Variants in RTTN observed in about 807,000 individuals in gnomAD.
RTTN encodes rotatin.
A neutral mutation model predicts 269.2 loss-of-function variants in RTTN; 182 were observed. The ratio of observed to expected loss-of-function variants is 0.68; its 90% CI spans 0.60 to 0.76. The LOEUF (loss-of-function observed/expected upper bound fraction) is 0.76. Among genes scored for constraint, RTTN ranks in the 30% least tolerant of loss-of-function variants. The pLI, the probability that RTTN is intolerant of heterozygous loss-of-function variation, is 0.00. For missense variants in RTTN, 2,545 were observed against 2,608.6 expected (o/e 0.98, Z 0.53); for synonymous variants, 1,006 against 963.5 (o/e 1.04, Z -0.82).
intron 17 of RTTN, 97 bp from the exon 18 acceptor site, chr18:70,145,880 C>A (rs2060377844): frequency 2.2e-6 from 2 of 907,056 alleles, no homozygotes; most frequent in Non-Finnish European, 1.6e-6. Context: ...CAACAAAGTA[C>A]AATAAGTAGT....
chr18:70,204,140 G>A lies in RTTN; in HGVS notation c.343C>T (p.Leu115Phe). Residue 115 changes from leucine to phenylalanine, a missense_variant, in exon 3 of 49, where the codon CTT (leucine) becomes TTT (phenylalanine). Transcript: ENST00000640769. Reference sequence around the variant, plus strand: ...GATAGTGCAGGAACTTCCGAAGGAAGAAGAAAAAGTCCATCCAGAATGCCA... The same window carrying A: ...GATAGTGCAGGAACTTCCGAAGGAAAAAGAAAAAGTCCATCCAGAATGCCA... ...IDGILDGLFL[L>F]PSEVPALSSA... 1 of 1,614,058 alleles carries A rather than the reference G, an allele frequency of 6.2e-7. No homozygotes were observed. Among genetic ancestry groups the A allele is most frequent in the Non-Finnish European group, 8.5e-7 (1 of 1,179,948 alleles).
chr18:70,177,139 T>G (rs1185743366), intron 10 of RTTN, among the ~76,000 whole-genome samples: 1 of 152,178 alleles, frequency 6.6e-6, no homozygotes, highest in African/African-American at 2.4e-5. Context: ...AAATGAACCA[T>G]AATTTCCTCC....
chr18:70,084,979 TACAAC>T (rs1361979349), intron 32 of RTTN, among the ~76,000 whole-genome samples: 2 of 152,188 alleles, frequency 1.3e-5, no homozygotes, highest in Non-Finnish European at 2.9e-5. Context: ...GGTTCTGTAT[TACAAC>T]ATAATGTCCC....
intron 3 of RTTN, among the ~76,000 whole-genome samples, chr18:70,203,202 TTC>T (rs1440217752): frequency 6.6e-6 from 1 of 151,794 alleles, no homozygotes; most frequent in African/African-American, 2.4e-5. Context: ...TGAGAAAGTG[TTC>T]TTTTTTTTTT....
intron 25 of RTTN, 72 bp from the exon 26 acceptor site, chr18:70,121,772 T>C (rs2059744832): frequency 3.0e-6 from 4 of 1,350,394 alleles, no homozygotes; most frequent in East Asian, 2.7e-5. Flanking sequence ...ATCATAGATA[T>C]GTGGACTTAA....
intron 10 of RTTN, among the ~76,000 whole-genome samples, chr18:70,182,578 G>C (rs2061444723): frequency 6.6e-6 from 1 of 152,162 alleles, no homozygotes; most frequent in African/African-American, 2.4e-5. Context: ...GAGATAGAAT[G>C]CCAAATCTTC....
At chr18:70,146,016 T>C (rs1409406523) in intron 17 of RTTN, among the ~76,000 whole-genome samples, 1 of 152,172 alleles carries the variant, frequency 6.6e-6, no homozygotes. Context: ...AAATAATAAC[T>C]ACAAATGAGA....
chr18:70,120,350 T>TA lies in RTTN; in HGVS notation c.3528+1205dup, dbSNP rs2059704595. Among the ~76,000 whole-genome samples, 10 of 152,090 alleles carry TA rather than the reference T, an allele frequency of 6.6e-5. No homozygotes were observed. The South Asian group carries it at 2.1e-3, about 32-fold the overall frequency. On this transcript the variant is annotated intron_variant, in intron 26 of 48. Transcript: ENST00000640769. Reference sequence around the variant, plus strand: ...AATTACCCAGCTTCTGATATTATGTTAAAAACAACAGAAAACAGCCTAAGA... The same window carrying TA: ...AATTACCCAGCTTCTGATATTATGTTAAAAAACAACAGAAAACAGCCTAAGA...
chr18:70,197,671 G>T lies in RTTN; in HGVS notation c.646C>A (p.Gln216Lys), dbSNP rs1398447986. 6.2e-7 allele frequency: 1 copy of T among 1,613,678 alleles called. No individual in the cohort carries two copies. Among genetic ancestry groups the T allele is most frequent in the Non-Finnish European group, 8.5e-7 (1 of 1,179,740 alleles). The change falls in exon 6 of 49, where the codon CAA (glutamine) becomes AAA (lysine). Residue 216 changes from glutamine (Q) to lysine (K), a missense_variant. Physicochemically the swap from Gln to Lys is moderately conservative, Grantham distance 53 (BLOSUM62 1). Transcript: ENST00000640769. ...AGGAAAATCTCAGCAGGAAAATCTT[G>T]CATGATAACATCCTTCAATAGTTCA... ...TCELLKDVIM[Q>K]DFPAEIFLQR...
In RTTN at chr18:70,003,673, C is replaced by G. The variant is rs1400709780; in HGVS notation, c.*478G>C. On this transcript the variant is annotated 3_prime_UTR_variant, in exon 49 of 49. Coordinates refer to ENST00000640769, the MANE Select transcript of RTTN (RefSeq NM_173630.4). Reference sequence around the variant, plus strand: ...TTTTGAAAATAAGGATTTGCACTGACAGAGCCAAATTTTACATCAGTTAAA... The same window carrying G: ...TTTTGAAAATAAGGATTTGCACTGAGAGAGCCAAATTTTACATCAGTTAAA... 1 of 152,250 alleles carries G rather than the reference C, an allele frequency of 6.6e-6. No homozygotes were observed. Among genetic ancestry groups the G allele is most frequent in the Non-Finnish European group, 1.5e-5 (1 of 68,154 alleles). The allele number at this position is 152,250 out of a possible 1,614,324, so 9.4% of individuals were successfully genotyped here.
intron 14 of RTTN, among the ~76,000 whole-genome samples, chr18:70,160,319 C>T (rs2060793181): frequency 6.6e-6 from 1 of 151,330 alleles, no homozygotes; most frequent in South Asian, 2.1e-4. Context: ...ATAAACAGAA[C>T]CAAAAAGAAA....
At chr18:70,095,959 T>C (rs1485364954) in intron 28 of RTTN, among the ~76,000 whole-genome samples, 4 of 152,140 alleles carry the variant, frequency 2.6e-5, no homozygotes, top group South Asian at 2.1e-4. Flanking sequence ...TCTTTTCACA[T>C]AGTCCCATAT....
chr18:70,109,205 C>T (rs929484155), intron 28 of RTTN, among the ~76,000 whole-genome samples: 1 of 152,158 alleles, frequency 6.6e-6, no homozygotes, highest in African/African-American at 2.4e-5. Context: ...GTATCATATA[C>T]TTACTGGTTG....
chr18:70,135,435 T>C (rs2060101777), intron 21 of RTTN, among the ~76,000 whole-genome samples, 155 bp from the exon 22 acceptor site: 1 of 152,180 alleles, frequency 6.6e-6, no homozygotes, highest in Non-Finnish European at 1.5e-5. Context: ...AACTTGTGGA[T>C]GTACAAGAAT....
intron 10 of RTTN, among the ~76,000 whole-genome samples, chr18:70,181,577 T>C (rs765107149): frequency 1.3e-5 from 2 of 152,302 alleles, no homozygotes; most frequent in South Asian, 4.1e-4. Flanking sequence ...CCAGACATGA[T>C]TGATGTTACT....
intron 13 of RTTN, 87 bp from the exon 14 acceptor site, chr18:70,166,275 C>G (rs1316529653): frequency 4.3e-5 from 55 of 1,278,334 alleles, no homozygotes; most frequent in Admixed American, 1.7e-4. Context: ...GGGATTTCTT[C>G]CTACTCCAAC....
Position 70,017,391 on chromosome 18 carries a change from G to C in RTTN, c.6421+16C>G, listed in dbSNP as rs371520515. 2 of 1,607,268 alleles carry C rather than the reference G, an allele frequency of 1.2e-6. No homozygotes were observed. ...AATAACTACATATATAAATGTATGT[G>C]TGTGTGAAAACTTACCATTAGCCAG... On this transcript the variant is annotated intron_variant, in intron 46 of 48. Coordinates refer to ENST00000640769, the MANE Select transcript of RTTN (RefSeq NM_173630.4).
intron 40 of RTTN, among the ~76,000 whole-genome samples, chr18:70,039,505 A>C (rs930282742): frequency 1.3e-4 from 20 of 152,208 alleles, no homozygotes; most frequent in Non-Finnish European, 4.4e-5. Context: ...ACCTTAGACA[A>C]ACAAAAGCTG....
At chr18:70,004,439 C>G (rs564415673) in intron 48 of RTTN, among the ~76,000 whole-genome samples, 1 of 151,898 alleles carries the variant, frequency 6.6e-6, no homozygotes, top group Non-Finnish European at 1.5e-5. Context: ...TTTAAATTAA[C>G]AGCTTACCCA....
Sources: gnomAD v4.1 joint callset for allele counts (sites outside exome capture counted in the v4.1 genomes callset) on GRCh38, gnomAD v4.1.1 for gene constraint, MANE v1.5 for transcripts, NCBI Gene and HGNC (gene_info 2026-07-23, HGNC 2026-07-21) for gene names.